Variants in TSC2 observed in about 807,000 individuals in gnomAD.
TSC2 encodes the protein tuberin.
Under a neutral mutation model 202.2 loss-of-function variants are expected in TSC2, and 29 were observed. That is an observed-to-expected ratio of 0.14 (90% confidence interval 0.11 to 0.20). TSC2 has a LOEUF of 0.20. Among genes scored for constraint, TSC2 ranks in the 10% least tolerant of loss-of-function variants. TSC2 has a pLI of 1.00. For missense variants in TSC2, 2,429 were observed against 2,420.0 expected, an observed-to-expected ratio of 1.00 and a Z score of -0.08; for synonymous variants, 1,349 against 1,044.0, an observed-to-expected ratio of 1.29 and a Z score of -5.63.
intron 2 of TSC2, among the ~76,000 whole-genome samples, chr16:2,050,009 G>T (rs1019554690): frequency 1.0e-3 from 152 of 147,676 alleles, no homozygotes; most frequent in Non-Finnish European, 1.9e-3. Context: ...AGGCTGGAGC[G>T]CAGGGGCGCG....
chr16:2,071,664 C>A (rs759756949), intron 18 of TSC2, 48 bp downstream of exon 18: 2 of 1,609,748 alleles, frequency 1.2e-6, no homozygotes, highest in African/African-American at 1.3e-5. Context: ...GCGTCAGAGG[C>A]GCTGGGGCTG....
At chr16:2,084,117 T>G (rs971585540) in intron 33 of TSC2, 111 bp from the exon 34 acceptor site, 13 of 1,533,998 alleles carry the variant, frequency 8.5e-6, no homozygotes, top group Non-Finnish European at 1.1e-5. Flanking sequence ...CTCGGGCTGG[T>G]CTGTGGCCCT....
chr16:2,076,578 C>T lies in TSC2; in HGVS notation c.2830C>T (p.Pro944Ser), dbSNP rs1236903163. ...RARSTSLNER[P>S]KSLRIARPPK... ...CCGGAGTACTAGTCTCAACGAGAGA[C>T]CCAAGAGGTACGGCCTGCGGGGGTG... is the stretch of plus-strand genomic sequence containing the variant. The change falls in exon 25 of 42, where the codon CCC becomes TCC. Residue 944 changes from proline (P) to serine (S), a missense_variant. By Grantham distance (74) the Pro-to-Ser change is moderately conservative. Transcript: ENST00000219476. 3.7e-6 allele frequency: 6 copies of T among 1,613,004 alleles called. No individual in the cohort carries two copies. Among genetic ancestry groups the T allele is most frequent in the Non-Finnish European group, 5.1e-6 (6 of 1,179,938 alleles).
chr16:2,065,475 C>A (rs2151204691), intron 15 of TSC2, 44 bp from the exon 16 acceptor site: 2 of 1,327,876 alleles, frequency 1.5e-6, no homozygotes, highest in Non-Finnish European at 1.1e-6. Flanking sequence ...GCTGCTGACT[C>A]AGAACCATGA....
At chr16:2,058,706 G>C (rs2151104046) in intron 9 of TSC2, 41 bp from the exon 10 acceptor site, 1 of 1,557,258 alleles carries the variant, frequency 6.4e-7, no homozygotes, top group Non-Finnish European at 8.7e-7. Context: ...CCCTGGGACA[G>C]GGCCCTGCTC....
intron 30 of TSC2, 121 bp downstream of exon 30, chr16:2,080,498 T>C: frequency 8.1e-7 from 1 of 1,227,026 alleles, no homozygotes; most frequent in Non-Finnish European, 1.1e-6. Flanking sequence ...TTTGTTTTTT[T>C]TTTGAGACAG....
chr16:2,049,306 G>A (rs2084783999), intron 2 of TSC2, among the ~76,000 whole-genome samples: 1 of 151,802 alleles, frequency 6.6e-6, no homozygotes, highest in Admixed American at 6.6e-5. Flanking sequence ...GGCTGGTCTT[G>A]AACTGCTGAC....
At chr16:2,054,580 T>C (rs1286979598) in intron 5 of TSC2, 140 bp downstream of exon 5, 2 of 1,290,364 alleles carry the variant, frequency 1.5e-6, no homozygotes, top group African/African-American at 1.5e-5. Flanking sequence ...TTCATGCACC[T>C]GGGCTCACCT....
rs762782913 is a variant in TSC2, at chr16:2,070,539, C to T, written c.1800C>T (p.His600=). ...GCCACATTCAGCTCCACTACAAGCA[C>T]AGCTACACCCTGCCAATCGCGAGCA... ...LVSHIQLHYK[H]SYTLPIASSI... The change falls in exon 17 of 42, where the codon CAC becomes CAT. Residue 600 remains histidine, a synonymous_variant. Transcript: ENST00000219476. The T allele has an allele frequency of 1.2e-6, 2 of 1,613,194 alleles. No individual in the cohort carries two copies. Among genetic ancestry groups the T allele is most frequent in the African/African-American group, 2.7e-5 (2 of 74,954 alleles).
At position 2,088,554 on chromosome 16, in the gene TSC2, G is replaced by A. The variant is rs200140994; in HGVS notation, c.5368G>A (p.Val1790Met). The change falls in exon 42 of 42, where the codon GTG becomes ATG. Residue 1790 changes from valine to methionine, a missense_variant. Val to Met is a conservative substitution (Grantham distance 21, BLOSUM62 1). Coordinates refer to ENST00000219476, the MANE Select transcript of TSC2 (RefSeq NM_000548.5). ...TPAEPTPGYEVGQRKRLISSV... is the reference protein window; with the variant it reads ...TPAEPTPGYEMGQRKRLISSV... ...AGCCGAGCCCACACCTGGCTATGAG[G>A]TGGGCCAGCGGAAGCGCCTCATCTC... 39 of 1,611,386 alleles carry A rather than the reference G, an allele frequency of 2.4e-5. No homozygotes were observed. Among genetic ancestry groups the A allele is most frequent in the African/African-American group, 1.7e-4 (13 of 75,060 alleles).
Position 2,082,069 on chromosome 16 carries a change from C to T in TSC2, c.3814+271C>T, listed in dbSNP as rs145354469. Reference sequence around the variant, plus strand: ...ATCCTCCGTGGGGAGTCCAGCACTGCGGGCTCCAGGAGGCTCTGCGGCAGC... The same window carrying T: ...ATCCTCCGTGGGGAGTCCAGCACTGTGGGCTCCAGGAGGCTCTGCGGCAGC... On this transcript the variant is annotated intron_variant, in intron 31 of 41. Coordinates refer to ENST00000219476, the MANE Select transcript of TSC2 (RefSeq NM_000548.5). The T allele has an allele frequency of 1.7e-3, 1,010 of 602,064 alleles. 1 individual carries two copies. Among genetic ancestry groups the T allele is most frequent in the Middle Eastern group, 3.1e-3 (7 of 2,242 alleles). The allele number at this position is 602,064 out of a possible 1,614,324, so 37.3% of individuals were successfully genotyped here.
Position 2,060,890 on chromosome 16 carries a change from T to C in TSC2, c.1119+77T>C, listed in dbSNP as rs1596299538. On this transcript the variant is annotated intron_variant, in intron 11 of 41. Transcript: ENST00000219476. ...CTCGGCCCACTCAGAAGATGGTACC[T>C]TGGGCCCCATCTCTGGGGGTCCCGC... 4 of 1,559,258 alleles carry C rather than the reference T, an allele frequency of 2.6e-6. No individual in the cohort carries two copies. The East Asian group carries it at 6.9e-5, about 27-fold the overall frequency.
chr16:2,059,511 T>TG (rs2086354671), intron 10 of TSC2, among the ~76,000 whole-genome samples: 1 of 128,346 alleles, frequency 7.8e-6, no homozygotes, highest in Non-Finnish European at 1.6e-5. Flanking sequence ...GGCTAATGGT[T>TG]TTTTTTTTTT....
rs2089978360 is a variant in TSC2, at chr16:2,080,345, G to A, written c.3578G>A (p.Gly1193Asp). The A allele has an allele frequency of 6.2e-7, 1 of 1,612,440 alleles. No individual in the cohort carries two copies. Among genetic ancestry groups the A allele is most frequent in the Non-Finnish European group, 8.5e-7 (1 of 1,179,984 alleles). Reference sequence around the variant, plus strand: ...GCCTATGTGCCCCTGCTGACCCAGGGCTGGGCGGAGATCCTGGTCCGGAGG... The same window carrying A: ...GCCTATGTGCCCCTGCTGACCCAGGACTGGGCGGAGATCCTGGTCCGGAGG... ...LAAYVPLLTQ[G>D]WAEILVRRPT... The change falls in exon 30 of 42, where the codon GGC becomes GAC. Residue 1193 changes from glycine (G) to aspartate (D), a missense_variant. Physicochemically the swap from Gly to Asp is moderately conservative, Grantham distance 94. Coordinates refer to ENST00000219476, the MANE Select transcript of TSC2 (RefSeq NM_000548.5).
At chr16:2,070,971 G>C (rs1412851264) in intron 17 of TSC2, among the ~76,000 whole-genome samples, 3 of 151,002 alleles carry the variant, frequency 2.0e-5, no homozygotes, top group African/African-American at 7.4e-5. Flanking sequence ...CAGGGCTGGA[G>C]AGGGCAGAGC....
intron 26 of TSC2, 58 bp from the exon 27 acceptor site, chr16:2,078,974 A>G: frequency 1.2e-6 from 2 of 1,606,490 alleles, no homozygotes; most frequent in Admixed American, 3.3e-5. Context: ...CCTTGGTGAT[A>G]GGTGGCTCGG....
intron 32 of TSC2, 126 bp from the exon 33 acceptor site, chr16:2,083,569 A>C: frequency 6.7e-7 from 1 of 1,482,156 alleles, no homozygotes; most frequent in Non-Finnish European, 9.1e-7. Context: ...AGCAGTAAGC[A>C]GAGCCCTGGG....
rs1225070343 is a variant in TSC2 at position 2,074,340 on chromosome 16, C to T, written c.2496C>T (p.His832=). The T allele has an allele frequency of 1.2e-6, 2 of 1,612,614 alleles. No individual in the cohort carries two copies. Among genetic ancestry groups the T allele is most frequent in the East Asian group, 4.5e-5 (2 of 44,900 alleles). The change falls in exon 22 of 42, where the codon CAC becomes CAT. Residue 832 remains histidine, a synonymous_variant. Transcript: ENST00000219476. ...CTGTTCTGGTGGTGAAGCTCACGCACATCTCAGCCACAGCCAGCATGGCCG... is the reference window on the plus strand; with the variant it reads ...CTGTTCTGGTGGTGAAGCTCACGCATATCTCAGCCACAGCCAGCATGGCCG... ...ALPVLVVKLT[H]ISATASMAVP... is the part of the protein sequence containing the mutation.
intron 31 of TSC2, 65 bp downstream of exon 31, chr16:2,081,863 C>A: frequency 6.3e-7 from 1 of 1,575,228 alleles, no homozygotes; most frequent in African/African-American, 1.4e-5. Context: ...CCGGTGACGG[C>A]AATGTGGCTC....
Sources: gnomAD v4.1 joint callset for allele counts (sites outside exome capture counted in the v4.1 genomes callset) on GRCh38, gnomAD v4.1.1 for gene constraint, MANE v1.5 for transcripts, NCBI Gene and HGNC (gene_info 2026-07-23, HGNC 2026-07-21) for gene names.